IL4R: variants seen among roughly 807,000 people sequenced by gnomAD.
IL4R encodes the protein interleukin 4 receptor.
In IL4R, 17 loss-of-function variants were observed where a neutral mutation model predicts 41.5. The observed-to-expected ratio is 0.41, with a 90% CI of 0.28 to 0.61. IL4R has a LOEUF of 0.61. IL4R is among the 20% of genes least tolerant of loss of function. The pLI is 0.31. For missense variants in IL4R, 974 were observed against 1,043.1 expected (o/e 0.93, Z 0.91); for synonymous variants, 402 against 422.9 (o/e 0.95, Z 0.61).
At chr16:27,347,538 G>C (rs3024581) in intron 6 of IL4R, among the ~76,000 whole-genome samples, 6 of 152,198 alleles carry the variant, frequency 3.9e-5, no homozygotes, top group African/African-American at 1.4e-4. Flanking sequence ...TAAAAAGGGC[G>C]AGAGGATTTA....
At chr16:27,346,415 T>G (rs1596829715) in intron 5 of IL4R, 52 bp from the exon 6 acceptor site, 1 of 1,600,942 alleles carries the variant, frequency 6.2e-7, no homozygotes, top group Admixed American at 1.7e-5. Flanking sequence ...CTGGGCTGGG[T>G]GATGGGGGAG....
intron 6 of IL4R, among the ~76,000 whole-genome samples, chr16:27,348,677 G>A (rs1019693793): frequency 6.6e-6 from 1 of 152,176 alleles, no homozygotes; most frequent in African/African-American, 2.4e-5. Context: ...CTTCGATGCT[G>A]TGCCAGCCTC....
intron 5 of IL4R, among the ~76,000 whole-genome samples, chr16:27,346,106 C>A (rs1157964795): frequency 6.6e-6 from 1 of 152,134 alleles, no homozygotes; most frequent in Non-Finnish European, 1.5e-5. Flanking sequence ...TGCCTGGAAT[C>A]CCAGCACTTT....
At chr16:27,314,239 G>A (rs1227600620) in intron 1 of IL4R, 1 of 463,302 alleles carries the variant, frequency 2.2e-6, no homozygotes, top group African/African-American at 2.1e-5. Flanking sequence ...GGGGTACGTG[G>A]ACACCCAGCG....
chr16:27,359,691 A>G (rs998060899), intron 9 of IL4R: 6 of 415,488 alleles, frequency 1.4e-5, no homozygotes, highest in Admixed American at 2.4e-5. Flanking sequence ...TCTGAGCCTC[A>G]GTTTCCTCTT....
intron 3 of IL4R, chr16:27,341,256 A>G (rs2085431329): frequency 3.1e-6 from 2 of 648,260 alleles, no homozygotes; most frequent in Non-Finnish European, 5.6e-6. Flanking sequence ...TCTGACCTAA[A>G]CTACTGGGAA....
intron 1 of IL4R, among the ~76,000 whole-genome samples, chr16:27,329,737 T>G (rs1207855895): frequency 6.6e-6 from 1 of 151,910 alleles, no homozygotes; most frequent in Non-Finnish European, 1.5e-5. Flanking sequence ...CTATCTTTGC[T>G]ATCTGCATCT....
intron 8 of IL4R, 47 bp from the exon 9 acceptor site, chr16:27,358,869 A>C: frequency 7.1e-7 from 1 of 1,416,672 alleles, no homozygotes; most frequent in Non-Finnish European, 1.0e-6. Context: ...AGGAGCGTTC[A>C]CCTGTCAATA....
At chr16:27,359,217 G>A (rs1448566268) in intron 9 of IL4R, among the ~76,000 whole-genome samples, 1 of 152,168 alleles carries the variant, frequency 6.6e-6, no homozygotes, top group African/African-American at 2.4e-5. Flanking sequence ...GGCTTCTCTG[G>A]GGTTGGTTTC....
Position 27,355,818 on chromosome 16 carries a change from G to C in IL4R, c.681G>C (p.Glu227Asp), listed in dbSNP as rs779269217. ...PSTKWHNSYREPFEQHLLLGV... is the reference protein window; with the variant it reads ...PSTKWHNSYRDPFEQHLLLGV... ...CCCTCCCACTTCCAGCCTACAGGGA[G>C]CCCTTCGAGCAGCACCTCCTGCTGG... Residue 227 changes from glutamate to aspartate, a missense_variant, in exon 8 of 11, where the codon GAG (glutamate) becomes GAC (aspartate). Around this residue, in one of 3 missense-constraint regions of IL4R, gnomAD observed 284 missense variants for 313.4 expected, o/e 0.91. Coordinates refer to ENST00000395762, the MANE Select transcript of IL4R (RefSeq NM_000418.4). The C allele has an allele frequency of 1.2e-6, 2 of 1,612,748 alleles. No individual in the cohort carries two copies. The highest frequency in any genetic ancestry group is 2.2e-5 in the South Asian group (2 of 91,074).
chr16:27,345,333 C>T lies in IL4R; in HGVS notation c.361+313C>T, dbSNP rs2085603585. The T allele has an allele frequency of 4.2e-6, 2 of 476,382 alleles. No individual in the cohort carries two copies. The highest frequency in any genetic ancestry group is 4.9e-5 in the East Asian group (1 of 20,530). 29.5% of individuals were successfully genotyped at this position (476,382 alleles called of 1,614,324 possible). On this transcript the variant is annotated intron_variant, in intron 5 of 10. Transcript: ENST00000395762. This position sits in a 1 kb window ranked among gnomAD's most constrained non-coding sequence, Gnocchi z 4.5. ...GGCATGCCTGCTGCTGATTGAAAAC[C>T]GAACTGGGAACATTCCTTCCATTCT...
chr16:27,325,869 A>G (rs977751383), intron 1 of IL4R, among the ~76,000 whole-genome samples: 2 of 152,090 alleles, frequency 1.3e-5, no homozygotes, highest in African/African-American at 4.8e-5. Context: ...GAAGTCCTGC[A>G]GCTTGCCCAG....
intron 2 of IL4R, chr16:27,334,468 C>T (rs2085198628): frequency 6.6e-6 from 1 of 152,108 alleles, no homozygotes; most frequent in African/African-American, 2.4e-5. Context: ...AATCCTGACG[C>T]CATGCTGGGA....
chr16:27,340,272 T>C lies in IL4R; in HGVS notation c.69T>C (p.Ser23=), dbSNP rs371559384. The change falls in exon 3 of 11, where the codon TCT becomes TCC. Residue 23 remains serine (S), a splice_region_variant and synonymous_variant. Coordinates refer to ENST00000395762, the MANE Select transcript of IL4R (RefSeq NM_000418.4). ...TGGTCCTGCTGCAGGTGGCAAGCTCTGGTAAGTCACCACTTCTCAATCATT... is the reference window on the plus strand; with the variant it reads ...TGGTCCTGCTGCAGGTGGCAAGCTCCGGTAAGTCACCACTTCTCAATCATT... ...SCLVLLQVAS[S]GNMKVLQEPT... is the part of the protein sequence containing the mutation. 2 of 1,612,800 alleles carry C rather than the reference T, an allele frequency of 1.2e-6. No homozygotes were observed. Among genetic ancestry groups the C allele is most frequent in the Non-Finnish European group, 1.7e-6 (2 of 1,178,932 alleles).
At chr16:27,331,847 T>A (rs2085119003) in intron 2 of IL4R, among the ~76,000 whole-genome samples, 1 of 152,160 alleles carries the variant, frequency 6.6e-6, no homozygotes, top group Admixed American at 6.6e-5. Context: ...TCCTTGCTGC[T>A]CTCAGTTTTT....
intron 1 of IL4R, among the ~76,000 whole-genome samples, chr16:27,322,424 A>T (rs1401878991): frequency 2.0e-5 from 3 of 152,106 alleles, no homozygotes; most frequent in Non-Finnish European, 4.4e-5. Context: ...CAGTCTGCCC[A>T]CCTCAGCCTC....
intron 3 of IL4R, among the ~76,000 whole-genome samples, chr16:27,340,489 G>C (rs1260490096): frequency 6.6e-6 from 1 of 152,182 alleles, no homozygotes; most frequent in African/African-American, 2.4e-5. Flanking sequence ...TCAGGAGGCC[G>C]AGGCAGGAGG....
At chr16:27,316,493 C>G (rs915816516) in intron 1 of IL4R, among the ~76,000 whole-genome samples, 1 of 152,214 alleles carries the variant, frequency 6.6e-6, no homozygotes, top group Non-Finnish European at 1.5e-5. Flanking sequence ...AGATGCCCCA[C>G]CTCTCGACTG....
At chr16:27,335,214 G>A (rs1349436839) in intron 2 of IL4R, among the ~76,000 whole-genome samples, 2 of 152,108 alleles carry the variant, frequency 1.3e-5, no homozygotes, top group Non-Finnish European at 2.9e-5. Flanking sequence ...TCTTGTTGGT[G>A]AGTTTAGATC....
Sources: allele counts gnomAD v4.1 joint callset (sites outside exome capture counted in the v4.1 genomes callset), GRCh38; gene constraint gnomAD v4.1.1; regional missense constraint gnomAD v4.1.1; non-coding constraint Gnocchi (gnomAD v3.1); transcripts MANE v1.5; gene names NCBI Gene and HGNC (gene_info 2026-07-23, HGNC 2026-07-21).